The following ABHD17C variants were observed in gnomAD, a reference collection of about 807,000 sequenced individuals.
ABHD17C encodes the protein alpha/beta hydrolase domain-containing protein 17C.
A neutral mutation model predicts 27.9 loss-of-function variants in ABHD17C; 11 were observed. The observed-to-expected ratio is 0.39, with a 90% confidence interval of 0.25 to 0.65. The LOEUF (loss-of-function observed/expected upper bound fraction) is 0.65. Among genes scored for constraint, ABHD17C ranks in the 30% least tolerant of loss-of-function variants. The probability of loss-of-function intolerance (pLI) is 0.45; values close to 1 mark genes in which losing one functional copy is unlikely to be tolerated. For missense variants in ABHD17C, 280 were observed against 470.2 expected (o/e 0.60, Z 3.74); for synonymous variants, 233 against 209.1 (o/e 1.11, Z -0.98).
chr15:80,711,443 C>T (rs1489194753), intron 1 of ABHD17C, among the ~76,000 whole-genome samples: 1 of 152,162 alleles, frequency 6.6e-6, no homozygotes, highest in Non-Finnish European at 1.5e-5. Context: ...TGTAGCAGCC[C>T]CAGGCAGCCC....
intron 2 of ABHD17C, among the ~76,000 whole-genome samples, 154 bp downstream of exon 2, chr15:80,749,846 C>T (rs190136025): frequency 4.1e-4 from 62 of 152,362 alleles, no homozygotes; most frequent in African/African-American, 1.4e-3. Context: ...AAATATGACA[C>T]ACACTGTCCA....
In ABHD17C at chr15:80,753,506, C is replaced by T. The variant is rs180922906; in HGVS notation, c.771-645C>T. 5.3e-5 allele frequency among the ~76,000 whole-genome samples: 8 copies of T among 152,190 alleles called. 1 individual carries two copies. The highest frequency in any genetic ancestry group is 1.0e-4 in the Non-Finnish European group (7 of 68,006). ...TACAGGAAATGGGTCAGGAGTATGTCAGGGCACTGTATTATCTTTTTGTTT... is the reference window on the plus strand; with the variant it reads ...TACAGGAAATGGGTCAGGAGTATGTTAGGGCACTGTATTATCTTTTTGTTT... On this transcript the variant is annotated intron_variant, in intron 2 of 2. Coordinates refer to ENST00000258884, the MANE Select transcript of ABHD17C (RefSeq NM_021214.2).
chr15:80,731,922 G>C (rs567641764), intron 1 of ABHD17C, among the ~76,000 whole-genome samples: 2 of 152,246 alleles, frequency 1.3e-5, no homozygotes, highest in South Asian at 4.2e-4. Context: ...ACAGTGCTGT[G>C]GCATTGAGGA....
At chr15:80,730,920 G>C (rs777074898) in intron 1 of ABHD17C, among the ~76,000 whole-genome samples, 3 of 152,134 alleles carry the variant, frequency 2.0e-5, no homozygotes, top group Non-Finnish European at 2.9e-5. Flanking sequence ...GCCAATAAAG[G>C]CTTCCTGTTT....
intron 1 of ABHD17C, among the ~76,000 whole-genome samples, chr15:80,742,768 CA>C (rs1170305205): frequency 3.3e-5 from 5 of 152,116 alleles, no homozygotes; most frequent in Non-Finnish European, 7.4e-5. Context: ...TGAAGTAGGC[CA>C]GGCCCATTTG....
At chr15:80,713,364 T>C (rs1243938042) in intron 1 of ABHD17C, among the ~76,000 whole-genome samples, 7 of 140,768 alleles carry the variant, frequency 5.0e-5, no homozygotes, top group African/African-American at 1.9e-4. Context: ...CTTTTTTTTT[T>C]TTTTTTTTTT....
chr15:80,716,457 C>T (rs894123541), intron 1 of ABHD17C, among the ~76,000 whole-genome samples: 10 of 152,180 alleles, frequency 6.6e-5, no homozygotes, highest in African/African-American at 2.4e-4. Flanking sequence ...ACAATTTCTA[C>T]AAAGTAAGAA....
At chr15:80,723,229 T>G (rs1434522797) in intron 1 of ABHD17C, among the ~76,000 whole-genome samples, 3 of 152,120 alleles carry the variant, frequency 2.0e-5, no homozygotes, top group African/African-American at 7.2e-5. Flanking sequence ...AACCTGTGTT[T>G]TTCATTGTGA....
At chr15:80,731,971 G>C (rs1895063099) in intron 1 of ABHD17C, among the ~76,000 whole-genome samples, 1 of 152,190 alleles carries the variant, frequency 6.6e-6, no homozygotes, top group Admixed American at 6.5e-5. Flanking sequence ...TTCATCTCTA[G>C]AACTTCATCT....
chr15:80,727,284 C>T (rs1894994788), intron 1 of ABHD17C, among the ~76,000 whole-genome samples: 1 of 152,152 alleles, frequency 6.6e-6, no homozygotes. Context: ...GAGGGCAGTT[C>T]AGCCAGTGGA....
Position 80,754,461 on chromosome 15 carries a change from A to G in ABHD17C, c.*91A>G. Reference sequence around the variant, plus strand: ...AACTGGGTAGCTGTAAAGGCTTGATAACCATGAAGAAGTGCCCAACCTTTA... The same window carrying G: ...AACTGGGTAGCTGTAAAGGCTTGATGACCATGAAGAAGTGCCCAACCTTTA... On this transcript the variant is annotated 3_prime_UTR_variant, in exon 3 of 3. Coordinates refer to ENST00000258884, the MANE Select transcript of ABHD17C (RefSeq NM_021214.2). 1 of 1,138,994 alleles carries G rather than the reference A, an allele frequency of 8.8e-7. No individual in the cohort carries two copies. Among genetic ancestry groups the G allele is most frequent in the Non-Finnish European group, 1.2e-6 (1 of 812,128 alleles). 70.6% of individuals were successfully genotyped at this position (1,138,994 alleles called of 1,614,324 possible).
intron 1 of ABHD17C, among the ~76,000 whole-genome samples, chr15:80,730,108 CAA>C (rs34002725): frequency 7.6e-5 from 11 of 144,860 alleles, no homozygotes; most frequent in African/African-American, 2.8e-4. Flanking sequence ...GACTCCATCT[CAA>C]AAAAAAAAAG....
intron 1 of ABHD17C, among the ~76,000 whole-genome samples, chr15:80,734,817 G>A (rs571010405): frequency 2.6e-5 from 4 of 152,320 alleles, no homozygotes; most frequent in African/African-American, 9.6e-5. Flanking sequence ...TACATTAAGG[G>A]TGGATGCTGC....
At chr15:80,696,856 C>T (rs964911415) in intron 1 of ABHD17C, among the ~76,000 whole-genome samples, 2 of 152,170 alleles carry the variant, frequency 1.3e-5, no homozygotes, top group Non-Finnish European at 2.9e-5. Context: ...AGACAAAAGT[C>T]TTATACATGT....
intron 2 of ABHD17C, among the ~76,000 whole-genome samples, chr15:80,752,291 T>A (rs980512215): frequency 1.3e-5 from 2 of 152,252 alleles, no homozygotes; most frequent in African/African-American, 4.8e-5. Flanking sequence ...AATTGAATAC[T>A]GCCACAGTGG....
intron 1 of ABHD17C, among the ~76,000 whole-genome samples, chr15:80,717,332 G>A (rs1424408512): frequency 1.3e-5 from 2 of 148,220 alleles, no homozygotes; most frequent in African/African-American, 4.9e-5. Flanking sequence ...TTGAGTCTTG[G>A]GCTTATTATT....
chr15:80,743,862 C>T (rs566305387), intron 1 of ABHD17C, among the ~76,000 whole-genome samples: 2 of 152,330 alleles, frequency 1.3e-5, no homozygotes, highest in South Asian at 2.1e-4. Context: ...CGTGAGCCAC[C>T]GTGCCTGGCT....
chr15:80,739,917 C>T (rs1020250173), intron 1 of ABHD17C, among the ~76,000 whole-genome samples: 13 of 152,152 alleles, frequency 8.5e-5, no homozygotes, highest in African/African-American at 3.1e-4. Flanking sequence ...CTTTTTAAGC[C>T]TCTAGTGTCA....
chr15:80,749,718 G>A lies in ABHD17C; in HGVS notation c.770+26G>A, dbSNP rs1325497716. 6 of 1,604,112 alleles carry A rather than the reference G, an allele frequency of 3.7e-6. No homozygotes were observed. In the East Asian group the frequency reaches 1.1e-4, roughly 30 times the overall value. On this transcript the variant is annotated intron_variant, in intron 2 of 2. Coordinates refer to ENST00000258884, the MANE Select transcript of ABHD17C (RefSeq NM_021214.2). Reference sequence around the variant, plus strand: ...GTAAGTTCATGCTTGTCCAACAAGTGGTAAGTCAGCCAATGACTGTGTTTA... The same window carrying A: ...GTAAGTTCATGCTTGTCCAACAAGTAGTAAGTCAGCCAATGACTGTGTTTA...
Sources: allele counts gnomAD v4.1 joint callset (sites outside exome capture counted in the v4.1 genomes callset), GRCh38; gene constraint gnomAD v4.1.1; transcripts MANE v1.5; gene names NCBI Gene and HGNC (gene_info 2026-07-23, HGNC 2026-07-21).